GRAMD1B: variants seen among roughly 807,000 people sequenced by gnomAD.
GRAMD1B encodes GRAM domain containing 1B, also known as protein Aster-B.
Under a neutral mutation model 99.7 loss-of-function variants are expected in GRAMD1B, and 37 were observed. That is an observed-to-expected ratio of 0.37 (90% CI 0.29 to 0.49). The LOEUF is 0.49. Among genes scored for constraint, GRAMD1B ranks in the 20% least tolerant of loss-of-function variants. GRAMD1B has a pLI of 0.98. For synonymous variants in GRAMD1B, 427 were observed against 387.6 expected, an observed-to-expected ratio of 1.10 and a Z score of -1.19; for missense variants, 888 against 1,009.2, an observed-to-expected ratio of 0.88 and a Z score of 1.63.
At chr11:123,545,677 A>G (rs1257985560) in intron 2 of GRAMD1B, among the ~76,000 whole-genome samples, 1 of 152,234 alleles carries the variant, frequency 6.6e-6, no homozygotes, top group Non-Finnish European at 1.5e-5. Context: ...AAAGGAATTA[A>G]TATTTATAAA....
intron 1 of GRAMD1B, among the ~76,000 whole-genome samples, chr11:123,388,105 G>A (rs1412505377): frequency 4.2e-5 from 5 of 120,014 alleles, no homozygotes; most frequent in Non-Finnish European, 1.6e-5. Context: ...CAGCCTAGGC[G>A]ACAAAAGCGA....
chr11:123,499,359 C>A (rs1387312171), intron 2 of GRAMD1B, among the ~76,000 whole-genome samples: 1 of 152,160 alleles, frequency 6.6e-6, no homozygotes, highest in African/African-American at 2.4e-5. Context: ...AAATAAATTT[C>A]TTTTCTTTAT....
At chr11:123,413,780 G>A (rs570812603) in intron 1 of GRAMD1B, among the ~76,000 whole-genome samples, 6 of 152,178 alleles carry the variant, frequency 3.9e-5, no homozygotes, top group Admixed American at 2.6e-4. Context: ...ATGGGAGGCA[G>A]TTCTCTGACC....
At chr11:123,523,570 CA>C (rs1942401558) in intron 2 of GRAMD1B, among the ~76,000 whole-genome samples, 2 of 151,384 alleles carry the variant, frequency 1.3e-5, no homozygotes, top group African/African-American at 4.9e-5. Context: ...GAGCAAAAGC[CA>C]AAAAAATTTA....
chr11:123,588,626 G>A lies in GRAMD1B; in HGVS notation c.684+4294G>A, dbSNP rs983324853. Among the ~76,000 whole-genome samples, 9 of 152,250 alleles carry A rather than the reference G, an allele frequency of 5.9e-5. No homozygotes were observed. The East Asian group carries it at 1.2e-3, about 20-fold the overall frequency. ...TGGACTTGCTACGTTTGCCTGCCAC[G>A]CTGCTCGGGATAGGGCTGACATGCA... On this transcript the variant is annotated intron_variant, in intron 4 of 19. Transcript: ENST00000635736.
At chr11:123,593,180 C>T (rs933329388) in intron 4 of GRAMD1B, among the ~76,000 whole-genome samples, 1 of 151,508 alleles carries the variant, frequency 6.6e-6, no homozygotes, top group Admixed American at 6.6e-5. Flanking sequence ...TGCAGTGAGC[C>T]GAGATCACAC....
intron 1 of GRAMD1B, among the ~76,000 whole-genome samples, chr11:123,442,663 A>G (rs746048562): frequency 1.3e-5 from 2 of 152,134 alleles, no homozygotes; most frequent in African/African-American, 4.8e-5. Flanking sequence ...TCAGCTACTC[A>G]GGAAGTTGAG....
chr11:123,582,363 T>C (rs1949454028), intron 3 of GRAMD1B, among the ~76,000 whole-genome samples: 1 of 152,234 alleles, frequency 6.6e-6, no homozygotes, highest in South Asian at 2.1e-4. Context: ...GACTCCCATG[T>C]GGCCGCACCT....
Position 123,510,606 on chromosome 11 carries a change from G to A in GRAMD1B, c.452+29713G>A, listed in dbSNP as rs115112609. 5.0e-3 allele frequency among the ~76,000 whole-genome samples: 759 copies of A among 152,304 alleles called. 4 individuals are homozygous for A. Among genetic ancestry groups the A allele is most frequent in the African/African-American group, 0.018 (736 of 41,574 alleles). On this transcript the variant is annotated intron_variant, in intron 2 of 19. Transcript: ENST00000635736. This position sits in a 1 kb window ranked among gnomAD's most constrained non-coding sequence, Gnocchi z 4.3. ...GGTGGTTTGTTCTCCGTGGGTGGAC[G>A]TTTGTGACTCTGCCTTTTCTCTCTG...
chr11:123,396,354 C>T (rs1947463681), intron 1 of GRAMD1B, among the ~76,000 whole-genome samples: 1 of 151,854 alleles, frequency 6.6e-6, no homozygotes, highest in Admixed American at 6.6e-5. Context: ...TGGCTCACTA[C>T]AACTTCCGCC....
At chr11:123,582,236 G>A (rs555496380) in intron 3 of GRAMD1B, among the ~76,000 whole-genome samples, 1 of 152,180 alleles carries the variant, frequency 6.6e-6, no homozygotes, top group Non-Finnish European at 1.5e-5. Context: ...GTGTGAGGAC[G>A]CAGGAAGTGA....
chr11:123,607,799 G>A (rs1791724), intron 11 of GRAMD1B: 12,771 of 152,290 alleles, frequency 0.084, 677 homozygotes, highest in Admixed American at 0.16. Flanking sequence ...GCAGTAATTA[G>A]GGACTGAGGG....
chr11:123,532,814 A>G (rs2714063), intron 2 of GRAMD1B, among the ~76,000 whole-genome samples: 38,204 of 152,192 alleles, frequency 0.25, 5,582 homozygotes, highest in East Asian at 0.45. Flanking sequence ...ATTTGTTTAT[A>G]TGTTACCAAT....
rs773476425 is a variant in GRAMD1B at position 123,618,744 on chromosome 11, G to A, written c.2370G>A (p.Met790Ile). The A allele has an allele frequency of 1.3e-6, 2 of 1,591,054 alleles. No homozygotes were observed. Among genetic ancestry groups the A allele is most frequent in the African/African-American group, 1.3e-5 (1 of 74,518 alleles). ...LNMMLFYKLW[M>I]LEYTTQTLTA... Reference sequence around the variant, plus strand: ...TGATGCTCTTCTACAAACTCTGGATGTTGGAATACACCACGCAGACCCTCA... The same window carrying A: ...TGATGCTCTTCTACAAACTCTGGATATTGGAATACACCACGCAGACCCTCA... Residue 790 changes from methionine to isoleucine, a missense_variant, in exon 18 of 20, where the codon ATG becomes ATA. Around this residue, in one of 5 missense-constraint regions of GRAMD1B, gnomAD observed 232 missense variants for 261.7 expected, o/e 0.89. Transcript: ENST00000635736.
chr11:123,503,496 C>T (rs970867580), intron 2 of GRAMD1B, among the ~76,000 whole-genome samples: 9 of 151,946 alleles, frequency 5.9e-5, no homozygotes, highest in African/African-American at 1.2e-4. Context: ...TTTTAGTTAA[C>T]GTTGATTGAA....
chr11:123,591,339 C>T lies in GRAMD1B; in HGVS notation c.685-2743C>T, dbSNP rs551980751. On this transcript the variant is annotated intron_variant, in intron 4 of 19. Coordinates refer to ENST00000635736, the MANE Select transcript of GRAMD1B (RefSeq NM_001387025.1). The surrounding 1 kb of genome is among the most constrained non-coding windows in gnomAD (Gnocchi z 4.7). The stretch of plus-strand genomic sequence containing the variant: ...GTTGTTTTCATCGTGTGGGGACAGT[C>T]GGGAGTCAGTGCTCAGGGAGCCAGG... 8.3e-5 allele frequency: 33 copies of T among 398,586 alleles called. No homozygotes were observed. The highest frequency in any genetic ancestry group is 2.1e-4 in the East Asian group (6 of 28,060). 24.7% of individuals were successfully genotyped at this position (398,586 alleles called of 1,614,324 possible). A position where few individuals can be genotyped will look rare whatever the true frequency, so the allele number is the denominator to read the frequency against.
At chr11:123,395,282 GCTTT>G (rs1248991009) in intron 1 of GRAMD1B, among the ~76,000 whole-genome samples, 1 of 152,038 alleles carries the variant, frequency 6.6e-6, no homozygotes, top group Non-Finnish European at 1.5e-5. Flanking sequence ...ATTAAAAGTG[GCTTT>G]CTTTCTCAGC....
Position 123,431,669 on chromosome 11 carries a change from AC to A in GRAMD1B, c.374+505del, listed in dbSNP as rs780585570. Among the ~76,000 whole-genome samples the A allele has an allele frequency of 6.7e-4, 102 of 152,322 alleles. 1 individual carries two copies. The highest frequency in any genetic ancestry group is 8.3e-4 in the South Asian group (4 of 4,822). ...TCAATCTTATTTTATGTTTGGCCAC[AC>A]CGGATTGCCTTAACTGGCTCACTTG... On this transcript the variant is annotated intron_variant, in intron 1 of 19. Coordinates refer to ENST00000635736, the MANE Select transcript of GRAMD1B (RefSeq NM_001387025.1).
At chr11:123,614,171 G>C (rs925917525) in intron 16 of GRAMD1B, among the ~76,000 whole-genome samples, 1 of 152,170 alleles carries the variant, frequency 6.6e-6, no homozygotes, top group African/African-American at 2.4e-5. Flanking sequence ...GGAAACCTGG[G>C]ACTCTAAGGG....
Sources: gnomAD v4.1 joint callset for allele counts (sites outside exome capture counted in the v4.1 genomes callset) on GRCh38, gnomAD v4.1.1 for gene constraint, gnomAD v4.1.1 regional missense constraint, Gnocchi (gnomAD v3.1) non-coding constraint, MANE v1.5 for transcripts, NCBI Gene and HGNC (gene_info 2026-07-23, HGNC 2026-07-21) for gene names.